Variants in EIF4H observed in about 807,000 individuals in gnomAD.
The protein encoded by EIF4H is eukaryotic translation initiation factor 4H, also known as Williams-Beuren syndrome chromosome region 1.
EIF4H carries 8 observed loss-of-function variants against 30.6 expected under a neutral mutation model. The observed-to-expected ratio is 0.26, with a 90% confidence interval of 0.15 to 0.47. The LOEUF (loss-of-function observed/expected upper bound fraction) is 0.47. Among genes scored for constraint, EIF4H ranks in the 20% least tolerant of loss-of-function variants. The pLI is 0.99. For synonymous variants in EIF4H, 106 were observed against 122.7 expected (o/e 0.86, Z 0.90); for missense variants, 188 against 339.5 (o/e 0.55, Z 3.51).
At chr7:74,175,246 T>C (rs564724599) in intron 1 of EIF4H, among the ~76,000 whole-genome samples, 2 of 152,238 alleles carry the variant, frequency 1.3e-5, no homozygotes, top group African/African-American at 2.4e-5. Flanking sequence ...AGAGAGCTCA[T>C]GGTGTTTAAT....
At chr7:74,178,397 A>C (rs554317275) in intron 1 of EIF4H, among the ~76,000 whole-genome samples, 1 of 152,182 alleles carries the variant, frequency 6.6e-6, no homozygotes, top group East Asian at 1.9e-4. Context: ...TAAAAATACA[A>C]AACGGGTGTG....
rs78099872 is a variant in EIF4H, at chr7:74,196,918, A to T, written c.*1610A>T. On this transcript the variant is annotated 3_prime_UTR_variant, in exon 7 of 7. Transcript: ENST00000265753. ...TTCAGATGACCTACTTACATCTTCA[A>T]TGTGGATAAGATAAAGAACAAAACA... The T allele has an allele frequency of 6.6e-6, 1 of 152,594 alleles. No homozygotes were observed. The highest frequency in any genetic ancestry group is 2.4e-5 in the African/African-American group (1 of 41,448). 9.5% of individuals were successfully genotyped at this position (152,594 alleles called of 1,614,324 possible). A position where few individuals can be genotyped will look rare whatever the true frequency, so the allele number is the denominator to read the frequency against.
chr7:74,194,062 GC>G (rs1305729169), intron 5 of EIF4H, among the ~76,000 whole-genome samples: 7 of 152,234 alleles, frequency 4.6e-5, no homozygotes, highest in African/African-American at 1.7e-4. Flanking sequence ...TCTGCCAAGA[GC>G]CCACTTAGCA....
chr7:74,179,479 A>G (rs927962417), intron 1 of EIF4H, among the ~76,000 whole-genome samples: 1 of 152,090 alleles, frequency 6.6e-6, no homozygotes, highest in Non-Finnish European at 1.5e-5. Context: ...TAAAAACACA[A>G]AAACTAGCTG....
chr7:74,176,406 A>G (rs1247788399), intron 1 of EIF4H, among the ~76,000 whole-genome samples: 3 of 151,978 alleles, frequency 2.0e-5, no homozygotes. Flanking sequence ...CCCGGCCTCA[A>G]TTATTTTAAT....
chr7:74,190,637 T>C (rs1401269163), intron 5 of EIF4H, among the ~76,000 whole-genome samples: 3 of 152,224 alleles, frequency 2.0e-5, no homozygotes, highest in Admixed American at 2.0e-4. Flanking sequence ...CCAAGAGAAG[T>C]ACTGTTCCTT....
chr7:74,174,476 T>G (rs1457983769), intron 1 of EIF4H, 34 bp downstream of exon 1: 2 of 1,379,052 alleles, frequency 1.5e-6, no homozygotes, highest in African/African-American at 3.0e-5. Context: ...CGTCGGGGGC[T>G]GCGGGACCGG....
intron 1 of EIF4H, among the ~76,000 whole-genome samples, chr7:74,176,703 T>A (rs1800849593): frequency 6.6e-6 from 1 of 152,222 alleles, no homozygotes; most frequent in Non-Finnish European, 1.5e-5. Flanking sequence ...ACCAGTGCAG[T>A]TGTCAGGAAA....
At chr7:74,183,089 GAC>G (rs1801000321) in intron 1 of EIF4H, among the ~76,000 whole-genome samples, 1 of 152,206 alleles carries the variant, frequency 6.6e-6, no homozygotes, top group Non-Finnish European at 1.5e-5. Flanking sequence ...ACCCTTCATA[GAC>G]ATGCAGATAC....
In EIF4H at chr7:74,186,788, ATTTT is replaced by A. The variant is rs564794579; in HGVS notation, c.60-774_60-771del. Among the ~76,000 whole-genome samples the A allele has an allele frequency of 1.8e-3, 125 of 70,078 alleles. 32 individuals are homozygous for A. The highest frequency in any genetic ancestry group is 2.7e-3 in the Admixed American group (16 of 5,862). The allele number at this position is 70,078 out of a possible 152,430, so 46.0% of individuals were successfully genotyped here. A position where few individuals can be genotyped will look rare whatever the true frequency, so the allele number is the denominator to read the frequency against. Reference sequence around the variant, plus strand: ...GCCCATAATCAGGCAACAAGGAGAAATTTTTTTTTTTTTTTTTTTTTTTTTTTTT... The same window carrying A: ...GCCCATAATCAGGCAACAAGGAGAAATTTTTTTTTTTTTTTTTTTTTTTTT... On this transcript the variant is annotated intron_variant, in intron 1 of 6. Coordinates refer to ENST00000265753, the MANE Select transcript of EIF4H (RefSeq NM_022170.2).
At chr7:74,175,861 T>G (rs1192010704) in intron 1 of EIF4H, among the ~76,000 whole-genome samples, 1 of 152,170 alleles carries the variant, frequency 6.6e-6, no homozygotes, top group Non-Finnish European at 1.5e-5. Context: ...AGTGTGGGGA[T>G]TTAAAAAAAT....
At chr7:74,191,882 C>G (rs1421487208) in intron 5 of EIF4H, among the ~76,000 whole-genome samples, 1 of 152,056 alleles carries the variant, frequency 6.6e-6, no homozygotes, top group East Asian at 1.9e-4. Flanking sequence ...TGGGTTCATG[C>G]CATTCTCCTG....
rs188502005 is a variant in EIF4H, at chr7:74,194,997, G to A, written c.607+119G>A. 1.9e-3 allele frequency: 2,862 copies of A among 1,501,878 alleles called. 4 individuals are homozygous for A. The highest frequency in any genetic ancestry group is 2.4e-3 in the Non-Finnish European group (2,653 of 1,120,494). The allele number at this position is 1,501,878 out of a possible 1,614,324, so 93.0% of individuals were successfully genotyped here. On this transcript the variant is annotated intron_variant, in intron 6 of 6. Coordinates refer to ENST00000265753, the MANE Select transcript of EIF4H (RefSeq NM_022170.2). ...CAGAGTTGTCGGCATAGATCCCCACGTTCTCTGGAATAGCAAGTTCACCTT... is the reference window on the plus strand; with the variant it reads ...CAGAGTTGTCGGCATAGATCCCCACATTCTCTGGAATAGCAAGTTCACCTT...
intron 5 of EIF4H, chr7:74,191,104 C>T (rs781973992): frequency 1.5e-4 from 75 of 514,820 alleles, no homozygotes; most frequent in Middle Eastern, 3.8e-4. Flanking sequence ...GGGACTGGTG[C>T]ACGCTGTCTT....
chr7:74,179,840 A>G (rs1398326151), intron 1 of EIF4H, among the ~76,000 whole-genome samples: 1 of 152,170 alleles, frequency 6.6e-6, no homozygotes, highest in Non-Finnish European at 1.5e-5. Context: ...GTATTGAAAG[A>G]CTGTCAGGCT....
chr7:74,190,059 C>A, intron 4 of EIF4H, 141 bp downstream of exon 4: 2 of 1,188,150 alleles, frequency 1.7e-6, no homozygotes, highest in Non-Finnish European at 2.3e-6. Flanking sequence ...TGCGTAAAAT[C>A]CTAGAAAGAA....
intron 1 of EIF4H, among the ~76,000 whole-genome samples, chr7:74,181,262 G>T (rs190310531): frequency 7.9e-5 from 12 of 152,044 alleles, no homozygotes; most frequent in Non-Finnish European, 1.3e-4. Context: ...GATAATTTAA[G>T]GCTAATCCTA....
chr7:74,180,358 G>T (rs976216007), intron 1 of EIF4H, among the ~76,000 whole-genome samples: 1 of 152,332 alleles, frequency 6.6e-6, no homozygotes. Context: ...CAGCCATCAT[G>T]CTTGTGTATG....
At chr7:74,193,795 TAG>T (rs1475770024) in intron 5 of EIF4H, among the ~76,000 whole-genome samples, 14 of 152,224 alleles carry the variant, frequency 9.2e-5, no homozygotes, top group Non-Finnish European at 1.9e-4. Flanking sequence ...GTGTTTTTTG[TAG>T]AGAGTGAGTC....
Sources: allele counts gnomAD v4.1 joint callset (sites outside exome capture counted in the v4.1 genomes callset), GRCh38; gene constraint gnomAD v4.1.1; transcripts MANE v1.5; gene names NCBI Gene and HGNC (gene_info 2026-07-23, HGNC 2026-07-21).